SLC24A2: variants seen among roughly 807,000 people sequenced by gnomAD.
SLC24A2 encodes the protein solute carrier family 24 member 2.
SLC24A2 carries 36 observed loss-of-function variants against 62.0 expected under a neutral mutation model. The observed-to-expected ratio is 0.58, with a 90% confidence interval of 0.44 to 0.77. The LOEUF (loss-of-function observed/expected upper bound fraction) is 0.77, where lower values mean the gene tolerates loss of function less well. Among genes scored for constraint, SLC24A2 ranks in the 30% least tolerant of loss-of-function variants. SLC24A2 has a pLI of 0.00. For synonymous variants in SLC24A2, 358 were observed against 294.0 expected (o/e 1.22, Z -2.23); for missense variants, 846 against 817.9 (o/e 1.03, Z -0.42).
intron 2 of SLC24A2, chr9:19,705,534 C>T: frequency 4.4e-6 from 1 of 228,028 alleles, no homozygotes; most frequent in Admixed American, 4.1e-5. Flanking sequence ...ATCCAGCTTG[C>T]CCAGAAAGAG....
At chr9:20,123,642 A>T in the SLC24A2 span, among the ~76,000 whole-genome samples, 2 of 152,170 alleles carry the variant, frequency 1.3e-5, no homozygotes, top group Non-Finnish European at 1.5e-5. Flanking sequence ...GCCTCATAGG[A>T]TTGTCATGTG....
intron 7 of SLC24A2, among the ~76,000 whole-genome samples, chr9:19,559,761 CAG>C (rs1835299484): frequency 6.6e-6 from 1 of 152,186 alleles, no homozygotes; most frequent in Non-Finnish European, 1.5e-5. Context: ...CCACCCAAAA[CAG>C]TGGCTGGCTC....
chr9:20,232,730 T>C, the SLC24A2 span, among the ~76,000 whole-genome samples: 10,643 of 152,264 alleles, frequency 0.07, 464 homozygotes, highest in Middle Eastern at 0.12. Context: ...TGTGTCTCTA[T>C]TTCCTTCAGT....
chr9:19,532,250 A>C (rs1301593134), intron 8 of SLC24A2, among the ~76,000 whole-genome samples: 1 of 152,070 alleles, frequency 6.6e-6, no homozygotes, highest in Non-Finnish European at 1.5e-5. Context: ...ATGTGCCACC[A>C]TGCCCGGCTA....
intron 2 of SLC24A2, among the ~76,000 whole-genome samples, chr9:19,699,363 T>C (rs1383577041): frequency 6.6e-6 from 1 of 152,156 alleles, no homozygotes; most frequent in African/African-American, 2.4e-5. Context: ...AAATTGCCCC[T>C]CTCATCCACT....
the SLC24A2 span, among the ~76,000 whole-genome samples, chr9:20,188,989 C>T: frequency 6.6e-6 from 1 of 152,004 alleles, no homozygotes; most frequent in Non-Finnish European, 1.5e-5. Flanking sequence ...CCTTTGTTTA[C>T]ACAAGCTGTT....
rs975353180 is a variant in SLC24A2, at chr9:19,517,029, G to A, written c.1737-627C>T. Among the ~76,000 whole-genome samples, 124 of 152,156 alleles carry A rather than the reference G, an allele frequency of 8.1e-4. 4 individuals carry two copies. The highest frequency in any genetic ancestry group is 4.4e-5 in the Non-Finnish European group (3 of 68,016). On this transcript the variant is annotated intron_variant, in intron 10 of 10. Transcript: ENST00000341998. ...GCAGTATCTTACATTTGTGATGTGTGTGTTTTTCTTAAAAAAAACTTTATT... is the reference window on the plus strand; with the variant it reads ...GCAGTATCTTACATTTGTGATGTGTATGTTTTTCTTAAAAAAAACTTTATT...
At chr9:19,934,798 G>T in the SLC24A2 span, among the ~76,000 whole-genome samples, 2 of 152,150 alleles carry the variant, frequency 1.3e-5, no homozygotes, top group Admixed American at 6.5e-5. This position sits in a 1 kb window ranked among gnomAD's most constrained non-coding sequence, Gnocchi z 4.1. Context: ...ACCGAGCGGG[G>T]CGTGGCGGGG....
chr9:20,256,724 C>G, the SLC24A2 span, among the ~76,000 whole-genome samples: 1 of 152,066 alleles, frequency 6.6e-6, no homozygotes, highest in Non-Finnish European at 1.5e-5. Context: ...TGAGGGCTTT[C>G]TGATACCCTG....
At chr9:19,814,529 G>A in the SLC24A2 span, among the ~76,000 whole-genome samples, 1 of 152,152 alleles carries the variant, frequency 6.6e-6, no homozygotes, top group Non-Finnish European at 1.5e-5. Flanking sequence ...GCTTTCCTTA[G>A]AGACTTGGAG....
chr9:20,193,829 TTTG>T, the SLC24A2 span, among the ~76,000 whole-genome samples: 1 of 152,122 alleles, frequency 6.6e-6, no homozygotes, highest in Admixed American at 6.5e-5. Flanking sequence ...GGGTTTTTGT[TTTG>T]TTTTGTTTTT....
the SLC24A2 span, among the ~76,000 whole-genome samples, chr9:20,089,130 C>T: frequency 3.3e-5 from 5 of 152,136 alleles, no homozygotes; most frequent in Admixed American, 6.5e-5. Flanking sequence ...GGTGTGTTGT[C>T]CTCTTTGCTG....
the SLC24A2 span, among the ~76,000 whole-genome samples, chr9:19,864,190 A>G: frequency 2.6e-5 from 4 of 152,044 alleles, no homozygotes; most frequent in African/African-American, 4.8e-5. Context: ...GCCATGATAA[A>G]AAGTCTTCCA....
chr9:19,601,310 A>G (rs2383104), intron 4 of SLC24A2, among the ~76,000 whole-genome samples: 145,222 of 152,308 alleles, frequency 0.95, 69,289 homozygotes, highest in East Asian at 1. Flanking sequence ...TTGAAAAAAG[A>G]GCATTCTGAT....
the SLC24A2 span, among the ~76,000 whole-genome samples, chr9:20,046,573 C>T: frequency 6.6e-6 from 1 of 152,178 alleles, no homozygotes; most frequent in Non-Finnish European, 1.5e-5. Flanking sequence ...TTGGTTACTA[C>T]AGCTTGAGTG....
chr9:20,105,697 C>A, the SLC24A2 span, among the ~76,000 whole-genome samples: 1 of 151,832 alleles, frequency 6.6e-6, no homozygotes, highest in Admixed American at 6.6e-5. Flanking sequence ...GCATTCAAAG[C>A]AGTGTGTAGA....
At chr9:19,524,404 A>G (rs1327574710) in intron 9 of SLC24A2, among the ~76,000 whole-genome samples, 2 of 142,352 alleles carry the variant, frequency 1.4e-5, no homozygotes, top group Non-Finnish European at 3.0e-5. Flanking sequence ...AACAACAAAA[A>G]CAAAAGATAA....
the SLC24A2 span, among the ~76,000 whole-genome samples, chr9:20,035,756 C>A: frequency 6.6e-6 from 1 of 151,934 alleles, no homozygotes; most frequent in Non-Finnish European, 1.5e-5. Flanking sequence ...GAACCTGTCT[C>A]AATAAATAAA....
At chr9:20,268,299 C>T in the SLC24A2 span, among the ~76,000 whole-genome samples, 2 of 152,158 alleles carry the variant, frequency 1.3e-5, no homozygotes, top group Non-Finnish European at 2.9e-5. Context: ...TTATGCCCCA[C>T]TGCTATGGTT....
Sources: gnomAD v4.1 joint callset for allele counts (sites outside exome capture counted in the v4.1 genomes callset) on GRCh38, gnomAD v4.1.1 for gene constraint, Gnocchi (gnomAD v3.1) non-coding constraint, MANE v1.5 for transcripts, NCBI Gene and HGNC (gene_info 2026-07-23, HGNC 2026-07-21) for gene names.